Variants in CLASP1 observed in about 807,000 individuals in gnomAD.
The protein encoded by CLASP1 is cytoplasmic linker associated protein 1.
Under a neutral mutation model 192.3 loss-of-function variants are expected in CLASP1, and 38 were observed. The observed-to-expected ratio is 0.20, with a 90% confidence interval of 0.15 to 0.26. The LOEUF (loss-of-function observed/expected upper bound fraction) is 0.26. Ranked by LOEUF, CLASP1 falls within the 10% of genes least tolerant of loss-of-function variation. CLASP1 has a pLI of 1.00. For synonymous variants in CLASP1, 691 were observed against 712.8 expected (o/e 0.97, Z 0.49); for missense variants, 1,433 against 1,932.5 (o/e 0.74, Z 4.85).
chr2:121,476,539 A>G (rs2091637165), intron 8 of CLASP1, among the ~76,000 whole-genome samples: 1 of 152,208 alleles, frequency 6.6e-6, no homozygotes, highest in Non-Finnish European at 1.5e-5. Flanking sequence ...ACGACCAACA[A>G]AAAGTCACAG....
intron 8 of CLASP1, among the ~76,000 whole-genome samples, chr2:121,478,617 CCACA>C (rs1168914344): frequency 7.4e-6 from 1 of 134,612 alleles, no homozygotes; most frequent in African/African-American, 2.8e-5. Flanking sequence ...CACACACACA[CCACA>C]CACACACATA....
At chr2:121,554,965 T>A (rs887129110) in intron 2 of CLASP1, among the ~76,000 whole-genome samples, 2 of 152,166 alleles carry the variant, frequency 1.3e-5, no homozygotes, top group African/African-American at 4.8e-5. Flanking sequence ...ACAGAAGAAC[T>A]TATTATACCT....
chr2:121,494,325 T>C (rs1185478975), intron 8 of CLASP1, among the ~76,000 whole-genome samples: 3 of 152,238 alleles, frequency 2.0e-5, no homozygotes, highest in South Asian at 2.1e-4. Flanking sequence ...GAGGAAATTA[T>C]GTTAAGAGAA....
intron 1 of CLASP1, among the ~76,000 whole-genome samples, chr2:121,642,544 C>T (rs908656430): frequency 6.6e-6 from 1 of 151,698 alleles, no homozygotes; most frequent in Non-Finnish European, 1.5e-5. Context: ...CCAGCCTGGC[C>T]AACATGGTGA....
intron 1 of CLASP1, among the ~76,000 whole-genome samples, chr2:121,628,044 ACTT>A (rs1453107223): frequency 6.6e-6 from 1 of 152,196 alleles, no homozygotes; most frequent in Non-Finnish European, 1.5e-5. Flanking sequence ...TTAAGTCTGT[ACTT>A]TACTAAGTTT....
At chr2:121,398,931 G>A (rs2075729853) in intron 28 of CLASP1, among the ~76,000 whole-genome samples, 1 of 152,210 alleles carries the variant, frequency 6.6e-6, no homozygotes, top group Admixed American at 6.5e-5. Context: ...ACACACAGAA[G>A]CCTGGGGTCC....
In CLASP1 at chr2:121,392,047, C is replaced by G. The variant is rs186721470; in HGVS notation, c.3124-4141G>C. On this transcript the variant is annotated intron_variant, in intron 30 of 39. Coordinates refer to ENST00000263710, the Ensembl canonical transcript of CLASP1. Reference sequence around the variant, plus strand: ...TTTAAAAGTCAACTAGATATCTCATCTTTTGAAGGCAATTTATGTATTAAT... The same window carrying G: ...TTTAAAAGTCAACTAGATATCTCATGTTTTGAAGGCAATTTATGTATTAAT... Among the ~76,000 whole-genome samples, 361 of 152,326 alleles carry G rather than the reference C, an allele frequency of 2.4e-3. 1 individual carries two copies. The highest frequency in any genetic ancestry group is 7.3e-3 in the African/African-American group (303 of 41,572).
chr2:121,408,743 G>A (rs566726821), intron 24 of CLASP1, among the ~76,000 whole-genome samples: 1 of 152,226 alleles, frequency 6.6e-6, no homozygotes, highest in South Asian at 2.1e-4. Flanking sequence ...TCATGACGAC[G>A]TAAGAATAGG....
intron 2 of CLASP1, among the ~76,000 whole-genome samples, chr2:121,605,494 G>C (rs1314455217): frequency 6.6e-6 from 1 of 152,172 alleles, no homozygotes; most frequent in African/African-American, 2.4e-5. Context: ...AGTGCTAAAG[G>C]ATGAGAATTT....
chr2:121,574,650 AAAC>A (rs1437089270), intron 2 of CLASP1, among the ~76,000 whole-genome samples: 1 of 148,750 alleles, frequency 6.7e-6, no homozygotes, highest in Admixed American at 6.7e-5. Context: ...AAAAAAAAAA[AAAC>A]AAAAACCGGG....
At chr2:121,351,565 T>C (rs1167823438) in intron 37 of CLASP1, among the ~76,000 whole-genome samples, 1 of 152,204 alleles carries the variant, frequency 6.6e-6, no homozygotes, top group Non-Finnish European at 1.5e-5. Context: ...AGGTCTTTTG[T>C]ACTTTCCCTG....
chr2:121,450,582 C>T (rs544709953), intron 16 of CLASP1, among the ~76,000 whole-genome samples: 1 of 152,246 alleles, frequency 6.6e-6, no homozygotes, highest in African/African-American at 2.4e-5. Flanking sequence ...CATGGTAAAT[C>T]ATTAAAGCAG....
At chr2:121,500,372 GAAAGAA>G (rs1254009011) in intron 8 of CLASP1, among the ~76,000 whole-genome samples, 5,116 of 114,474 alleles carry the variant, frequency 0.045, 335 homozygotes, top group African/African-American at 0.16. Context: ...AAGAAAGAAA[GAAAGAA>G]AGAAAGAAAG....
chr2:121,620,520 T>C (rs1368504119), intron 1 of CLASP1, among the ~76,000 whole-genome samples: 1 of 152,054 alleles, frequency 6.6e-6, no homozygotes, highest in Non-Finnish European at 1.5e-5. Flanking sequence ...CAGCTAAATT[T>C]TGTATTTTTA....
At chr2:121,418,187 C>G (rs892530243) in intron 23 of CLASP1, among the ~76,000 whole-genome samples, 8 of 152,210 alleles carry the variant, frequency 5.3e-5, no homozygotes, top group African/African-American at 1.9e-4. Flanking sequence ...AACATTATCG[C>G]TATTGTACTT....
At chr2:121,636,432 G>C (rs1024208040) in intron 1 of CLASP1, among the ~76,000 whole-genome samples, 1 of 151,352 alleles carries the variant, frequency 6.6e-6, no homozygotes, top group African/African-American at 2.4e-5. Context: ...GGGAGGCCGA[G>C]GCGGGTGGAT....
intron 5 of CLASP1, 112 bp downstream of exon 5, chr2:121,527,687 G>A: frequency 1.3e-6 from 1 of 769,928 alleles, no homozygotes; most frequent in South Asian, 1.7e-5. Flanking sequence ...AAGGGGGCAT[G>A]AGATCTCACA....
chr2:121,413,948 G>T (rs982476359), intron 23 of CLASP1, among the ~76,000 whole-genome samples, 193 bp downstream of exon 24: 4 of 152,102 alleles, frequency 2.6e-5, no homozygotes, highest in Non-Finnish European at 5.9e-5. Flanking sequence ...TGTCAAACAG[G>T]CTATGAAGCA....
chr2:121,507,925 T>C (rs951498204), intron 7 of CLASP1, among the ~76,000 whole-genome samples: 1 of 152,084 alleles, frequency 6.6e-6, no homozygotes, highest in East Asian at 1.9e-4. Flanking sequence ...AAGAATTCTG[T>C]ATGTAACAAA....
Sources: gnomAD v4.1 joint callset for allele counts (sites outside exome capture counted in the v4.1 genomes callset) on GRCh38, gnomAD v4.1.1 for gene constraint, MANE v1.5 for transcripts, NCBI Gene and HGNC (gene_info 2026-07-23, HGNC 2026-07-21) for gene names.